ELF1: variants seen among roughly 807,000 people sequenced by gnomAD.
ELF1 encodes E74 like ETS transcription factor 1.
Under a neutral mutation model 59.9 loss-of-function variants are expected in ELF1, and 24 were observed. The observed-to-expected ratio is 0.40, with a 90% CI of 0.29 to 0.56. ELF1 has a LOEUF of 0.56. ELF1 is among the 20% of genes least tolerant of loss of function. The pLI is 0.44. For synonymous variants in ELF1, 248 were observed against 266.2 expected (o/e 0.93, Z 0.67); for missense variants, 627 against 742.2 (o/e 0.84, Z 1.80).
chr13:41,059,184 A>G (rs1410882601), intron 1 of ELF1, among the ~76,000 whole-genome samples: 1 of 152,242 alleles, frequency 6.6e-6, no homozygotes, highest in Non-Finnish European at 1.5e-5. Context: ...TTGTAACTCT[A>G]TTTAAAATTT....
chr13:40,939,678 A>G (rs1284864219), intron 8 of ELF1, among the ~76,000 whole-genome samples: 1 of 152,194 alleles, frequency 6.6e-6, no homozygotes, highest in East Asian at 1.9e-4. Context: ...AATCTAAAAT[A>G]TGAAACTTTT....
intron 7 of ELF1, among the ~76,000 whole-genome samples, chr13:40,942,555 C>G (rs767828576): frequency 5.3e-5 from 8 of 152,144 alleles, no homozygotes; most frequent in African/African-American, 9.7e-5. Flanking sequence ...GGGTCTCACT[C>G]CAGTTGCCCA....
chr13:41,010,400 A>G (rs1054257004), intron 1 of ELF1, among the ~76,000 whole-genome samples: 32 of 151,834 alleles, frequency 2.1e-4, no homozygotes, highest in African/African-American at 7.5e-4. Flanking sequence ...GCAGCAAGCT[A>G]TGATTGTACC....
At chr13:41,034,574 A>G (rs904364379) in intron 1 of ELF1, among the ~76,000 whole-genome samples, 1 of 152,204 alleles carries the variant, frequency 6.6e-6, no homozygotes, top group African/African-American at 2.4e-5. Context: ...TGATGACATC[A>G]TGCATATTTT....
chr13:40,955,629 A>T (rs1440177368), intron 3 of ELF1, among the ~76,000 whole-genome samples: 4 of 51,484 alleles, frequency 7.8e-5, no homozygotes, highest in African/African-American at 1.3e-4. Flanking sequence ...TACTGGGAAG[A>T]GAGGAGCCCC....
chr13:41,009,284 G>GA (rs892153438), intron 1 of ELF1, among the ~76,000 whole-genome samples: 73 of 147,178 alleles, frequency 5.0e-4, no homozygotes, highest in African/African-American at 1.6e-3. Flanking sequence ...CATAAAGCTT[G>GA]AAAAAAAAAA....
intron 5 of ELF1, among the ~76,000 whole-genome samples, chr13:40,947,309 G>A (rs1464593933): frequency 6.6e-6 from 1 of 152,126 alleles, no homozygotes; most frequent in Non-Finnish European, 1.5e-5. Flanking sequence ...TTGGGAGGTC[G>A]AGGCGGTGGA....
At chr13:40,955,780 TCAGCCCCCCGCC>T (rs1285953850) in intron 3 of ELF1, among the ~76,000 whole-genome samples, 2 of 36,172 alleles carry the variant, frequency 5.5e-5, no homozygotes, top group Non-Finnish European at 8.6e-5. Context: ...GGCGGGGGGG[TCAGCCCCCCGCC>T]CGGCCAGCCG....
intron 1 of ELF1, among the ~76,000 whole-genome samples, chr13:41,016,981 T>C (rs1240327382): frequency 1.0e-5 from 1 of 95,646 alleles, no homozygotes; most frequent in Non-Finnish European, 2.0e-5. Flanking sequence ...TATATATATA[T>C]GAGCTAAAAC....
Position 40,943,321 on chromosome 13 carries a change from G to A in ELF1, c.614-177C>T, listed in dbSNP as rs562950686. Among the ~76,000 whole-genome samples, 7 of 152,294 alleles carry A rather than the reference G, an allele frequency of 4.6e-5. No homozygotes were observed. The South Asian group carries it at 1.5e-3, about 32-fold the overall frequency. On this transcript the variant is annotated intron_variant, in intron 6 of 8. Transcript: ENST00000239882. ...GGTGATATAATGGTCATAATTTTTAGCATCTAATAAAGATCTTTTTATGAG... is the reference window on the plus strand; with the variant it reads ...GGTGATATAATGGTCATAATTTTTAACATCTAATAAAGATCTTTTTATGAG...
intron 1 of ELF1, among the ~76,000 whole-genome samples, chr13:40,987,137 C>T (rs1436238074): frequency 2.0e-5 from 3 of 149,686 alleles, no homozygotes; most frequent in African/African-American, 4.9e-5. Context: ...GGGCTTTCAC[C>T]GTGTTAGCCA....
intron 1 of ELF1, among the ~76,000 whole-genome samples, chr13:41,005,214 G>C (rs910859657): frequency 6.6e-6 from 1 of 151,862 alleles, no homozygotes; most frequent in African/African-American, 2.4e-5. Context: ...AAAGTATTTT[G>C]GTCTTGGGAT....
At chr13:40,940,870 C>T (rs371869446) in intron 8 of ELF1, 51 bp downstream of exon 8, 3 of 1,518,476 alleles carry the variant, frequency 2.0e-6, no homozygotes, top group African/African-American at 1.4e-5. Flanking sequence ...AATAATGTCT[C>T]TGGTCAGAAA....
At chr13:40,981,721 TAA>T (rs1180571431) in intron 2 of ELF1, among the ~76,000 whole-genome samples, 1 of 152,150 alleles carries the variant, frequency 6.6e-6, no homozygotes, top group East Asian at 1.9e-4. Context: ...CATTTAGTGT[TAA>T]GTCTCATTTT....
chr13:40,982,162 G>A lies in ELF1; in HGVS notation c.-108C>T, dbSNP rs1384987984. 1 of 1,447,304 alleles carries A rather than the reference G, an allele frequency of 6.9e-7. No homozygotes were observed. The highest frequency in any genetic ancestry group is 1.4e-5 in the African/African-American group (1 of 69,334). 89.7% of individuals were successfully genotyped at this position (1,447,304 alleles called of 1,614,324 possible). A position where few individuals can be genotyped will look rare whatever the true frequency, so the allele number is the denominator to read the frequency against. On this transcript the variant is annotated 5_prime_UTR_variant, in exon 2 of 9. Coordinates refer to ENST00000239882, the MANE Select transcript of ELF1 (RefSeq NM_172373.4). ...GGGTAAAAAACCCTCAGCTCTGTCT[G>A]TGGAGTAATTGTATACCCAAGTTTT... is the stretch of plus-strand genomic sequence containing the variant.
intron 2 of ELF1, among the ~76,000 whole-genome samples, chr13:40,970,574 TGGAGGTTAACATGCAAAGATG>T (rs1872474422): frequency 6.6e-6 from 1 of 152,244 alleles, no homozygotes; most frequent in Non-Finnish European, 1.5e-5. Flanking sequence ...TTTCTTGGCA[TGGAGGTTAACATGCAAAGATG>T]CTGCTTTGGA....
At chr13:40,992,924 AT>A (rs1384904754) in intron 1 of ELF1, 4 of 710,756 alleles carry the variant, frequency 5.6e-6, no homozygotes, top group Non-Finnish European at 1.0e-5. Context: ...TTCATATATC[AT>A]TCTAGCCTTT....
rs77134089 is a variant in ELF1, at chr13:40,976,306, A to G, written c.72+5677T>C. ...TCTGTTAAAAGTTTTGGTACACTCT[A>G]CTGCTCTAGAACACCTCCTCTTCTT... On this transcript the variant is annotated intron_variant, in intron 2 of 8. Coordinates refer to ENST00000239882, the MANE Select transcript of ELF1 (RefSeq NM_172373.4). 3.6e-3 allele frequency among the ~76,000 whole-genome samples: 542 copies of G among 152,290 alleles called. 4 individuals carry two copies. The highest frequency in any genetic ancestry group is 0.013 in the African/African-American group (521 of 41,552).
At chr13:41,015,875 T>C (rs890933229) in intron 1 of ELF1, among the ~76,000 whole-genome samples, 5 of 152,162 alleles carry the variant, frequency 3.3e-5, no homozygotes, top group Non-Finnish European at 7.4e-5. Flanking sequence ...AAATAATACC[T>C]GTCTACTCAT....
Sources: gnomAD v4.1 joint callset for allele counts (sites outside exome capture counted in the v4.1 genomes callset) on GRCh38, gnomAD v4.1.1 for gene constraint, MANE v1.5 for transcripts, NCBI Gene and HGNC (gene_info 2026-07-23, HGNC 2026-07-21) for gene names.